ANO10: variants seen among roughly 807,000 people sequenced by gnomAD.
The protein encoded by ANO10 is anoctamin-10.
In ANO10, 77 loss-of-function variants were observed where a neutral mutation model predicts 74.7. The observed-to-expected ratio is 1.03, with a 90% CI of 0.86 to 1.25. The LOEUF (loss-of-function observed/expected upper bound fraction) is 1.25. Among genes scored for constraint, ANO10 ranks in the 50% most tolerant of loss-of-function variants. ANO10 has a pLI of 0.00. For missense variants in ANO10, 721 were observed against 778.1 expected (o/e 0.93, Z 0.87); for synonymous variants, 279 against 284.9 (o/e 0.98, Z 0.21).
chr3:43,541,627 CTA>C (rs1268947606), intron 11 of ANO10, among the ~76,000 whole-genome samples: 1 of 152,108 alleles, frequency 6.6e-6, no homozygotes, highest in Non-Finnish European at 1.5e-5. Flanking sequence ...AATAAAAAAA[CTA>C]TATATGACTC....
chr3:43,473,690 C>T (rs1456241889), intron 11 of ANO10, among the ~76,000 whole-genome samples: 1 of 152,232 alleles, frequency 6.6e-6, no homozygotes, highest in East Asian at 1.9e-4. Flanking sequence ...AACCTCAGCA[C>T]TGCTGACATT....
intron 7 of ANO10, among the ~76,000 whole-genome samples, chr3:43,569,309 A>T (rs1458179286): frequency 7.2e-6 from 1 of 138,586 alleles, no homozygotes; most frequent in African/African-American, 2.8e-5. Flanking sequence ...CAATAGAAAA[A>T]GAGGGAATCC....
chr3:43,479,995 A>G (rs1198922404), intron 11 of ANO10, among the ~76,000 whole-genome samples: 1 of 152,248 alleles, frequency 6.6e-6, no homozygotes, highest in Non-Finnish European at 1.5e-5. Context: ...GACAAAGCAG[A>G]GATCAGAAGA....
intron 11 of ANO10, among the ~76,000 whole-genome samples, chr3:43,465,376 C>T (rs1444126869): frequency 6.6e-6 from 1 of 152,146 alleles, no homozygotes; most frequent in African/African-American, 2.4e-5. Context: ...CAGCATGTTA[C>T]TATACTAAAT....
At chr3:43,613,044 T>C (rs930651182) in intron 1 of ANO10, among the ~76,000 whole-genome samples, 2 of 152,098 alleles carry the variant, frequency 1.3e-5, no homozygotes, top group East Asian at 1.9e-4. Flanking sequence ...GGCACACGCC[T>C]GTAATCCCAG....
At chr3:43,436,392 C>A (rs909368105) in intron 11 of ANO10, among the ~76,000 whole-genome samples, 1 of 152,020 alleles carries the variant, frequency 6.6e-6, no homozygotes, top group Non-Finnish European at 1.5e-5. Context: ...ATTTTATGCA[C>A]CAGAATTGTG....
rs201491185 is a variant in ANO10, at chr3:43,577,111, G to A, written c.743C>T (p.Ser248Leu). Residue 248 changes from serine (S) to leucine (L), a missense_variant, in exon 6 of 13, where the codon TCG becomes TTG. Physicochemically the swap from Ser to Leu is moderately radical, Grantham distance 145 (BLOSUM62 -2). Transcript: ENST00000292246. ...CACCGTGGACCAGATGAGGTTGAAC[G>A]AGGCAAAGATCACGTACTTGTCATA... The part of the protein sequence containing the change: ...EDYDKYVIFA[S>L]FNLIWSTVIL... 4.6e-5 allele frequency: 74 copies of A among 1,614,032 alleles called. No homozygotes were observed. The highest frequency in any genetic ancestry group is 5.8e-5 in the Non-Finnish European group (69 of 1,180,020).
At chr3:43,408,013 C>G (rs1231266842) in intron 12 of ANO10, among the ~76,000 whole-genome samples, 1 of 152,020 alleles carries the variant, frequency 6.6e-6, no homozygotes, top group African/African-American at 2.4e-5. Context: ...CAAGCTGTGG[C>G]AGCAAAAGGA....
intron 1 of ANO10, among the ~76,000 whole-genome samples, chr3:43,667,303 C>A (rs2084004666): frequency 6.6e-6 from 1 of 152,028 alleles, no homozygotes; most frequent in Non-Finnish European, 1.5e-5. Context: ...ATTGGTCAGG[C>A]TAGTCTCAAA....
chr3:43,485,981 AT>A, intron 11 of ANO10: 2 of 245,986 alleles, frequency 8.1e-6, no homozygotes, highest in South Asian at 4.1e-5. Context: ...CCCAAAGTAT[AT>A]TTCCTTGACA....
At chr3:43,520,416 A>G (rs1022036013) in intron 11 of ANO10, among the ~76,000 whole-genome samples, 1 of 152,178 alleles carries the variant, frequency 6.6e-6, no homozygotes, top group Admixed American at 6.5e-5. Context: ...AGGTTTCAAC[A>G]TATGAATTTT....
intron 7 of ANO10, among the ~76,000 whole-genome samples, chr3:43,574,546 C>T (rs1483617691): frequency 1.3e-5 from 2 of 152,150 alleles, no homozygotes; most frequent in South Asian, 2.1e-4. Flanking sequence ...CAGGTATGAA[C>T]CACCACACCT....
At chr3:43,583,408 C>A (rs182988390) in intron 4 of ANO10, among the ~76,000 whole-genome samples, 1 of 152,268 alleles carries the variant, frequency 6.6e-6, no homozygotes, top group East Asian at 1.9e-4. Context: ...TTATCAAGTA[C>A]TGGGGATATG....
At chr3:43,615,315 C>T (rs2083041964) in intron 1 of ANO10, among the ~76,000 whole-genome samples, 1 of 152,116 alleles carries the variant, frequency 6.6e-6, no homozygotes, top group Non-Finnish European at 1.5e-5. Flanking sequence ...ACCAGACAGC[C>T]TGACACCAAA....
chr3:43,671,692 A>G (rs2084061377), intron 1 of ANO10, among the ~76,000 whole-genome samples: 1 of 152,208 alleles, frequency 6.6e-6, no homozygotes, highest in Non-Finnish European at 1.5e-5. Context: ...ACATATATAC[A>G]AATGATGGTT....
rs2091417611 is a variant in ANO10, at chr3:43,366,573, G to A, written c.*333C>T. The A allele has an allele frequency of 2.4e-6, 1 of 424,822 alleles. No homozygotes were observed. The highest frequency in any genetic ancestry group is 3.5e-5 in the Admixed American group (1 of 28,424). The allele number at this position is 424,822 out of a possible 1,614,324, so 26.3% of individuals were successfully genotyped here. On this transcript the variant is annotated 3_prime_UTR_variant, in exon 13 of 13. Transcript: ENST00000292246. The stretch of plus-strand genomic sequence containing the variant: ...GGGTTGGGAGTGACACTGCTATGAG[G>A]GGAACGTGGAGAGCTGGTGGCTCAC...
intron 1 of ANO10, among the ~76,000 whole-genome samples, chr3:43,683,039 C>T (rs2084222606): frequency 6.6e-6 from 1 of 152,180 alleles, no homozygotes; most frequent in Non-Finnish European, 1.5e-5. Flanking sequence ...GATGCCGTCT[C>T]TCACCACTCC....
intron 11 of ANO10, among the ~76,000 whole-genome samples, chr3:43,443,979 GA>G (rs1358888288): frequency 6.6e-6 from 1 of 152,120 alleles, no homozygotes; most frequent in Non-Finnish European, 1.5e-5. Flanking sequence ...ACTGCACCCG[GA>G]TCCTTCTCTA....
At chr3:43,513,717 A>C (rs909029829) in intron 11 of ANO10, among the ~76,000 whole-genome samples, 11 of 152,064 alleles carry the variant, frequency 7.2e-5, no homozygotes, top group Non-Finnish European at 1.3e-4. Context: ...TCACCATGTT[A>C]GCCAGGATGG....
Sources: gnomAD v4.1 joint callset for allele counts (sites outside exome capture counted in the v4.1 genomes callset) on GRCh38, gnomAD v4.1.1 for gene constraint, MANE v1.5 for transcripts, NCBI Gene and HGNC (gene_info 2026-07-23, HGNC 2026-07-21) for gene names.